PRELID2: variants seen among roughly 807,000 people sequenced by gnomAD.
The protein encoded by PRELID2 is PRELI domain containing 2.
In PRELID2, 25 loss-of-function variants were observed where a neutral mutation model predicts 28.4. That is an observed-to-expected ratio of 0.88 (90% CI 0.64 to 1.23). The LOEUF (loss-of-function observed/expected upper bound fraction) is 1.23. Ranked by LOEUF, PRELID2 falls within the 50% of genes most tolerant of loss-of-function variation. The probability of loss-of-function intolerance (pLI) is 0.00; values close to 1 mark genes in which losing one functional copy is unlikely to be tolerated. For synonymous variants in PRELID2, 76 were observed against 71.6 expected (o/e 1.06, Z -0.31); for missense variants, 201 against 214.4 (o/e 0.94, Z 0.39).
intron 1 of PRELID2, among the ~76,000 whole-genome samples, chr5:145,499,568 A>T (rs116657928): frequency 0.021 from 3,230 of 152,294 alleles, 114 homozygotes; most frequent in African/African-American, 0.075. Flanking sequence ...GGGGTCAGGC[A>T]TCTATGCCAG....
the PRELID2 span, among the ~76,000 whole-genome samples, chr5:145,428,733 ATT>A: frequency 2.6e-5 from 4 of 152,262 alleles, no homozygotes; most frequent in Non-Finnish European, 5.9e-5. Context: ...ATTGGGGGCT[ATT>A]TAAATACAGA....
chr5:145,650,925 C>A (rs924298741), intron 1 of PRELID2, among the ~76,000 whole-genome samples: 1 of 151,982 alleles, frequency 6.6e-6, no homozygotes, highest in African/African-American at 2.4e-5. Flanking sequence ...ACAGTGGGTG[C>A]GGCCCACCGA....
chr5:145,706,517 T>C (rs1333070864), intron 1 of PRELID2, among the ~76,000 whole-genome samples: 1 of 152,238 alleles, frequency 6.6e-6, no homozygotes, highest in South Asian at 2.1e-4. Context: ...ATGGAGCAGC[T>C]CTGCCCGGTC....
At chr5:145,369,833 A>G in the PRELID2 span, among the ~76,000 whole-genome samples, 1 of 152,070 alleles carries the variant, frequency 6.6e-6, no homozygotes, top group Non-Finnish European at 1.5e-5. Context: ...ATGAGACAGT[A>G]TCTTATTGTG....
chr5:145,283,767 A>G, the PRELID2 span, among the ~76,000 whole-genome samples: 9 of 152,110 alleles, frequency 5.9e-5, no homozygotes, highest in Admixed American at 3.3e-4. Context: ...TATATCTCTT[A>G]ATGTTTGGCC....
intron 1 of PRELID2, among the ~76,000 whole-genome samples, chr5:145,569,324 C>T (rs541576522): frequency 2.0e-5 from 3 of 152,260 alleles, no homozygotes; most frequent in South Asian, 2.1e-4. Flanking sequence ...ATATTCTAAA[C>T]TTAAACTATT....
chr5:145,398,373 C>A, the PRELID2 span, among the ~76,000 whole-genome samples: 1 of 152,068 alleles, frequency 6.6e-6, no homozygotes, highest in Non-Finnish European at 1.5e-5. Context: ...TTTTCAGAGT[C>A]AATTACCAGT....
At chr5:145,764,157 A>G (rs1757611551) in intron 6 of PRELID2, among the ~76,000 whole-genome samples, 1 of 152,148 alleles carries the variant, frequency 6.6e-6, no homozygotes. Context: ...TATCATACTC[A>G]TTTATTTTGG....
At chr5:145,276,084 TA>T in the PRELID2 span, among the ~76,000 whole-genome samples, 1 of 152,120 alleles carries the variant, frequency 6.6e-6, no homozygotes, top group East Asian at 1.9e-4. Flanking sequence ...AAAGGTAAGA[TA>T]AAGGTAAAAA....
At chr5:145,512,932 TAG>T (rs779456217) in intron 1 of PRELID2, among the ~76,000 whole-genome samples, 6 of 152,002 alleles carry the variant, frequency 3.9e-5, no homozygotes, top group Non-Finnish European at 8.8e-5. Flanking sequence ...CAGAAAGGAA[TAG>T]CATCAACATC....
chr5:145,746,883 C>A (rs1244826882), intron 1 of PRELID2, among the ~76,000 whole-genome samples: 1 of 152,158 alleles, frequency 6.6e-6, no homozygotes, highest in Non-Finnish European at 1.5e-5. Context: ...GAAACTCCCT[C>A]AAAACCACAC....
the PRELID2 span, among the ~76,000 whole-genome samples, chr5:145,370,187 C>G: frequency 2.0e-5 from 3 of 151,878 alleles, no homozygotes; most frequent in Admixed American, 6.6e-5. Context: ...AGTCATGAAG[C>G]CTTTGCGCAT....
the PRELID2 span, among the ~76,000 whole-genome samples, chr5:145,311,573 G>T: frequency 6.6e-6 from 1 of 152,234 alleles, no homozygotes; most frequent in Admixed American, 6.5e-5. Flanking sequence ...GAGAAATTTA[G>T]ATTTTTATGC....
intron 1 of PRELID2, among the ~76,000 whole-genome samples, chr5:145,743,180 G>C (rs1331479167): frequency 5.9e-5 from 9 of 151,776 alleles, no homozygotes; most frequent in Non-Finnish European, 1.0e-4. Context: ...AAGCCGAGAC[G>C]GGCAGATCAC....
At chr5:145,393,136 C>T in the PRELID2 span, among the ~76,000 whole-genome samples, 6 of 152,150 alleles carry the variant, frequency 3.9e-5, no homozygotes, top group Non-Finnish European at 7.4e-5. Context: ...ATCACACAAT[C>T]AGATGCTGGC....
At chr5:145,444,588 G>A in the PRELID2 span, among the ~76,000 whole-genome samples, 10 of 151,864 alleles carry the variant, frequency 6.6e-5, no homozygotes, top group South Asian at 2.1e-4. Context: ...TAGAAGACTC[G>A]TGAACCTGCT....
the PRELID2 span, among the ~76,000 whole-genome samples, chr5:145,366,952 C>T: frequency 6.6e-6 from 1 of 151,860 alleles, no homozygotes; most frequent in African/African-American, 2.4e-5. Flanking sequence ...TAAAAGCCAT[C>T]AATAGGTAAG....
chr5:145,677,879 C>T (rs1158313508), intron 1 of PRELID2, among the ~76,000 whole-genome samples: 1 of 151,974 alleles, frequency 6.6e-6, no homozygotes, highest in Non-Finnish European at 1.5e-5. Context: ...TTTGGGAGGC[C>T]GCGGTGGGTG....
chr5:145,272,430 G>GA, the PRELID2 span, among the ~76,000 whole-genome samples: 2 of 152,050 alleles, frequency 1.3e-5, no homozygotes. Context: ...ATCTTGTAAG[G>GA]AACACAAATA....
Sources: gnomAD v4.1 joint callset for allele counts (sites outside exome capture counted in the v4.1 genomes callset) on GRCh38, gnomAD v4.1.1 for gene constraint, MANE v1.5 for transcripts, NCBI Gene and HGNC (gene_info 2026-07-23, HGNC 2026-07-21) for gene names.